SUSD6: variants seen among roughly 807,000 people sequenced by gnomAD.
SUSD6 encodes the protein sushi domain-containing protein 6.
A neutral mutation model predicts 28.4 loss-of-function variants in SUSD6; 16 were observed. The ratio of observed to expected loss-of-function variants is 0.56; its 90% CI spans 0.38 to 0.86. The LOEUF is 0.86. SUSD6 is among the 40% of genes least tolerant of loss of function. The probability of loss-of-function intolerance (pLI) is 0.00; values close to 1 mark genes in which losing one functional copy is unlikely to be tolerated. For synonymous variants in SUSD6, 147 were observed against 159.6 expected, an observed-to-expected ratio of 0.92 and a Z score of 0.59; for missense variants, 341 against 384.2, an observed-to-expected ratio of 0.89 and a Z score of 0.94.
intron 2 of SUSD6, among the ~76,000 whole-genome samples, chr14:69,662,888 G>A (rs890075492): frequency 7.2e-5 from 11 of 152,280 alleles, no homozygotes; most frequent in African/African-American, 2.6e-4. Flanking sequence ...TGGAAGGCAG[G>A]CACTTGGCAT....
intron 2 of SUSD6, among the ~76,000 whole-genome samples, chr14:69,673,230 A>G (rs1885860140): frequency 1.3e-5 from 2 of 152,224 alleles, no homozygotes; most frequent in African/African-American, 4.8e-5. Context: ...AGCTAGCATC[A>G]GATTCCTCTA....
chr14:69,711,016 T>G lies in SUSD6; in HGVS notation c.*37T>G. 1 of 1,609,232 alleles carries G rather than the reference T, an allele frequency of 6.2e-7. No homozygotes were observed. Among genetic ancestry groups the G allele is most frequent in the Non-Finnish European group, 8.5e-7 (1 of 1,175,532 alleles). ...AGCCTTTCCTCTCTGCGAGGTTCTC[T>G]CAGCCCTTCCTCCCTCTCCCTGTGG... On this transcript the variant is annotated 3_prime_UTR_variant, in exon 6 of 6. Coordinates refer to ENST00000342745, the MANE Select transcript of SUSD6 (RefSeq NM_014734.4).
intron 2 of SUSD6, among the ~76,000 whole-genome samples, chr14:69,669,238 A>G (rs1417034299): frequency 6.6e-6 from 1 of 151,256 alleles, no homozygotes; most frequent in Non-Finnish European, 1.5e-5. Flanking sequence ...TAATTTTTGT[A>G]TTTTTAATAG....
intron 2 of SUSD6, among the ~76,000 whole-genome samples, chr14:69,665,616 G>T (rs1013425102): frequency 1.3e-5 from 2 of 152,202 alleles, no homozygotes; most frequent in African/African-American, 4.8e-5. Flanking sequence ...CTCTTATGAG[G>T]TGGAGTGGGA....
intron 1 of SUSD6, among the ~76,000 whole-genome samples, chr14:69,615,103 T>C (rs1383624969): frequency 6.6e-6 from 1 of 152,236 alleles, no homozygotes; most frequent in African/African-American, 2.4e-5. Flanking sequence ...CCATGTCTTG[T>C]CTTCTTTTCA....
At chr14:69,696,142 C>T (rs1238294566) in intron 2 of SUSD6, among the ~76,000 whole-genome samples, 2 of 152,248 alleles carry the variant, frequency 1.3e-5, no homozygotes, top group Non-Finnish European at 2.9e-5. Flanking sequence ...CCCCCCTCAG[C>T]AGGCCCCGGC....
At chr14:69,705,341 A>C (rs1047935084) in intron 4 of SUSD6, among the ~76,000 whole-genome samples, 1 of 150,816 alleles carries the variant, frequency 6.6e-6, no homozygotes, top group Non-Finnish European at 1.5e-5. Flanking sequence ...AACAAAAAAA[A>C]ACGGAAATCT....
chr14:69,655,840 A>G (rs1437152519), intron 1 of SUSD6, among the ~76,000 whole-genome samples: 4 of 152,092 alleles, frequency 2.6e-5, no homozygotes, highest in Admixed American at 6.5e-5. Context: ...AAGATTCTTT[A>G]CCATTTGGCC....
intron 1 of SUSD6, among the ~76,000 whole-genome samples, chr14:69,621,452 GGA>G (rs144122163): frequency 6.6e-6 from 1 of 152,186 alleles, no homozygotes; most frequent in African/African-American, 2.4e-5. Context: ...GGGAGGTGAA[GGA>G]GAGAGAGGGT....
At chr14:69,642,680 C>G (rs539535333) in intron 1 of SUSD6, among the ~76,000 whole-genome samples, 1 of 139,088 alleles carries the variant, frequency 7.2e-6, no homozygotes, top group South Asian at 2.6e-4. Context: ...TCCCACAACA[C>G]GAGAGAATTC....
At chr14:69,631,806 C>T (rs1224274952) in intron 1 of SUSD6, among the ~76,000 whole-genome samples, 5 of 152,170 alleles carry the variant, frequency 3.3e-5, no homozygotes, top group South Asian at 2.1e-4. Context: ...TAACACAGGG[C>T]GCTGGGAAAT....
intron 2 of SUSD6, among the ~76,000 whole-genome samples, chr14:69,694,728 G>A (rs530078176): frequency 1.6e-3 from 242 of 152,324 alleles, no homozygotes; most frequent in Middle Eastern, 0.014. Flanking sequence ...GAGGCAGGGT[G>A]CAGTAAAAGA....
At chr14:69,664,455 T>G (rs1885708985) in intron 2 of SUSD6, among the ~76,000 whole-genome samples, 1 of 152,208 alleles carries the variant, frequency 6.6e-6, no homozygotes. Flanking sequence ...TCCTGTCAGC[T>G]GCAAACCCTG....
At chr14:69,614,248 G>A (rs1461953335) in intron 1 of SUSD6, among the ~76,000 whole-genome samples, 3 of 152,100 alleles carry the variant, frequency 2.0e-5, no homozygotes, top group Admixed American at 2.0e-4. Context: ...TGTATTTTTA[G>A]TAGAGACTTG....
chr14:69,699,396 G>A (rs1886279916), intron 2 of SUSD6, among the ~76,000 whole-genome samples: 1 of 152,118 alleles, frequency 6.6e-6, no homozygotes, highest in African/African-American at 2.4e-5. Flanking sequence ...TAGAGATGGG[G>A]ATTCACCGTG....
At position 69,711,028 on chromosome 14, in the gene SUSD6, C is replaced by T. The variant is rs765334149; in HGVS notation, c.*49C>T. The T allele has an allele frequency of 1.2e-6, 2 of 1,600,900 alleles. No homozygotes were observed. The highest frequency in any genetic ancestry group is 1.7e-5 in the Admixed American group (1 of 59,998). On this transcript the variant is annotated 3_prime_UTR_variant, in exon 6 of 6. Coordinates refer to ENST00000342745, the MANE Select transcript of SUSD6 (RefSeq NM_014734.4). ...CTGCGAGGTTCTCTCAGCCCTTCCT[C>T]CCTCTCCCTGTGGGATTGAGCACCC...
chr14:69,690,612 A>G (rs1006182417), intron 2 of SUSD6, among the ~76,000 whole-genome samples: 14 of 152,196 alleles, frequency 9.2e-5, no homozygotes, highest in Admixed American at 8.5e-4. Flanking sequence ...ACTGTCCAGA[A>G]TCAGTTGGTG....
chr14:69,652,676 T>G (rs1227209665), intron 1 of SUSD6, among the ~76,000 whole-genome samples: 2 of 152,160 alleles, frequency 1.3e-5, no homozygotes, highest in African/African-American at 4.8e-5. Context: ...TGAGGAGATC[T>G]GGGCCCTGGC....
At position 69,634,514 on chromosome 14, in the gene SUSD6, C is replaced by G. The variant is rs186735034; in HGVS notation, c.-81+22686C>G. Among the ~76,000 whole-genome samples the G allele has an allele frequency of 2.1e-4, 32 of 152,300 alleles. No homozygotes were observed. The East Asian group carries it at 5.6e-3, about 27-fold the overall frequency. ...CTTTAAGCATCATGCTAACTTTTCC[C>G]CTCCATCTCCCTTTCATTTCTTAGA... On this transcript the variant is annotated intron_variant, in intron 1 of 5. Coordinates refer to ENST00000342745, the MANE Select transcript of SUSD6 (RefSeq NM_014734.4).
Sources: gnomAD v4.1 joint callset for allele counts (sites outside exome capture counted in the v4.1 genomes callset) on GRCh38, gnomAD v4.1.1 for gene constraint, MANE v1.5 for transcripts, NCBI Gene and HGNC (gene_info 2026-07-23, HGNC 2026-07-21) for gene names.